GRAMD2B: variants seen among roughly 807,000 people sequenced by gnomAD.
GRAMD2B encodes GRAM domain containing 2B.
Under a neutral mutation model 59.2 loss-of-function variants are expected in GRAMD2B, and 41 were observed. That is an observed-to-expected ratio of 0.69 (90% confidence interval 0.54 to 0.90). The LOEUF is 0.90. GRAMD2B is among the 40% of genes least tolerant of loss of function. The pLI is 0.00. For missense variants in GRAMD2B, 424 were observed against 500.5 expected (o/e 0.85, Z 1.46); for synonymous variants, 161 against 182.7 (o/e 0.88, Z 0.96).
intron 1 of GRAMD2B, among the ~76,000 whole-genome samples, chr5:126,451,929 C>T (rs1015154768): frequency 4.6e-5 from 7 of 152,014 alleles, no homozygotes; most frequent in African/African-American, 1.7e-4. Context: ...CTCTTGCTCC[C>T]ACTCTCACCA....
At chr5:126,381,865 G>A (rs1755687906) in intron 1 of GRAMD2B, among the ~76,000 whole-genome samples, 1 of 152,014 alleles carries the variant, frequency 6.6e-6, no homozygotes, top group African/African-American at 2.4e-5. Context: ...AGCTCCTTTA[G>A]CTGCTCTTGT....
At chr5:126,393,191 T>C (rs1456290969) in intron 1 of GRAMD2B, among the ~76,000 whole-genome samples, 1 of 152,146 alleles carries the variant, frequency 6.6e-6, no homozygotes, top group Non-Finnish European at 1.5e-5. Context: ...ACTTTCCCCT[T>C]TTCCATCACG....
chr5:126,454,287 G>A (rs970330057), intron 1 of GRAMD2B, among the ~76,000 whole-genome samples: 2 of 152,172 alleles, frequency 1.3e-5, no homozygotes, highest in Non-Finnish European at 2.9e-5. Flanking sequence ...TGGAGGCCGT[G>A]TCTCAGGAGG....
In GRAMD2B at chr5:126,465,444, T is replaced by C. The variant is rs776965345; in HGVS notation, c.102T>C (p.Gly34=). 10 of 1,613,906 alleles carry C rather than the reference T, an allele frequency of 6.2e-6. No homozygotes were observed. The South Asian group carries it at 9.9e-5, about 16-fold the overall frequency. The change falls in exon 2 of 14, where the codon GGT becomes GGC. Residue 34 remains glycine (G), a synonymous_variant. Coordinates refer to ENST00000285689, the MANE Select transcript of GRAMD2B (RefSeq NM_023927.4). ...TCTTCAGCTCAGAGGCTGAGAATGG[T>C]GTGGAGGAGAAAAAGAAAGCCTGCA... ...LGSAHSEAEN[G]VEEKKKACRS...
At chr5:126,419,546 A>T (rs1391254340), upstream of GRAMD2B, among the ~76,000 whole-genome samples, 3 of 152,122 alleles carry the variant, frequency 2.0e-5, no homozygotes, top group Admixed American at 6.5e-5. Context: ...CTTGCAACCA[A>T]ATCTCCACTC....
At chr5:126,444,189 G>A (rs1054332879) in intron 1 of GRAMD2B, among the ~76,000 whole-genome samples, 3 of 152,188 alleles carry the variant, frequency 2.0e-5, no homozygotes, top group African/African-American at 7.2e-5. Context: ...AGGGGCCAGG[G>A]TGGTGGCAAG....
intron 13 of GRAMD2B, among the ~76,000 whole-genome samples, chr5:126,489,229 A>T (rs751994667): frequency 6.6e-6 from 1 of 152,202 alleles, no homozygotes; most frequent in Non-Finnish European, 1.5e-5. Context: ...AGTGAACTGG[A>T]GACCAACCAC....
At chr5:126,430,696 AG>A (rs1430870187) in intron 1 of GRAMD2B, among the ~76,000 whole-genome samples, 2 of 152,220 alleles carry the variant, frequency 1.3e-5, no homozygotes, top group Non-Finnish European at 1.5e-5. Flanking sequence ...CAAGAAAAAA[AG>A]AAAAAGAAAA....
Position 126,484,508 on chromosome 5 carries a change from G to A in GRAMD2B, c.954G>A (p.Lys318=). 1.9e-6 allele frequency: 3 copies of A among 1,614,002 alleles called. No individual in the cohort carries two copies. The highest frequency in any genetic ancestry group is 1.7e-6 in the Non-Finnish European group (2 of 1,179,974). The change falls in exon 10 of 14, where the codon AAG becomes AAA. Residue 318 remains lysine (K), a synonymous_variant. Transcript: ENST00000285689. ...HVNRVPEGKA[K]SLPVQGLSET... ...ACAGAGTACCTGAAGGAAAAGCCAAGAGTCTCCCTGTACAGGGTAAGGAAT... is the reference window on the plus strand; with the variant it reads ...ACAGAGTACCTGAAGGAAAAGCCAAAAGTCTCCCTGTACAGGGTAAGGAAT...
chr5:126,443,998 G>A (rs964295797), intron 1 of GRAMD2B, among the ~76,000 whole-genome samples: 2 of 151,876 alleles, frequency 1.3e-5, no homozygotes, highest in Non-Finnish European at 2.9e-5. Context: ...GTTGCAGTGA[G>A]CCAAGATCAC....
At chr5:126,402,778 T>A (rs899284168) in intron 1 of GRAMD2B, among the ~76,000 whole-genome samples, 1 of 152,098 alleles carries the variant, frequency 6.6e-6, no homozygotes, top group Non-Finnish European at 1.5e-5. Context: ...GGATATTATG[T>A]AATATACAGC....
intron 1 of GRAMD2B, among the ~76,000 whole-genome samples, chr5:126,452,231 T>C (rs1368749096): frequency 2.0e-5 from 3 of 152,198 alleles, no homozygotes; most frequent in African/African-American, 7.2e-5. Flanking sequence ...TGCTGTTTCA[T>C]GGATGGCTGT....
intron 1 of GRAMD2B, among the ~76,000 whole-genome samples, chr5:126,379,622 C>T (rs1707205556): frequency 6.6e-6 from 1 of 152,040 alleles, no homozygotes; most frequent in South Asian, 2.1e-4. Flanking sequence ...GGTGGTATCG[C>T]ATTGTGGTTT....
intron 1 of GRAMD2B, among the ~76,000 whole-genome samples, chr5:126,455,624 C>T (rs775632173): frequency 6.6e-4 from 101 of 152,188 alleles, no homozygotes; most frequent in Non-Finnish European, 9.1e-4. Context: ...GAGGTAGCAC[C>T]AATGGCTGTG....
intron 1 of GRAMD2B, among the ~76,000 whole-genome samples, chr5:126,363,327 G>A (rs148413935): frequency 4.6e-4 from 70 of 152,244 alleles, no homozygotes; most frequent in African/African-American, 1.4e-3. Flanking sequence ...AGAAGTGTTG[G>A]CAAGCATGTG....
chr5:126,475,214 A>G (rs1000434353), intron 5 of GRAMD2B, among the ~76,000 whole-genome samples: 4 of 152,208 alleles, frequency 2.6e-5, no homozygotes, highest in Non-Finnish European at 2.9e-5. Context: ...ATTAACATGC[A>G]TGTATCACAT....
chr5:126,445,414 T>C (rs1391381974), intron 1 of GRAMD2B: 3 of 152,188 alleles, frequency 2.0e-5, no homozygotes, highest in African/African-American at 7.2e-5. Context: ...GGTATCTCAT[T>C]GTGGTTTTGA....
chr5:126,443,443 G>A (rs1377597059), intron 1 of GRAMD2B, among the ~76,000 whole-genome samples: 1 of 152,138 alleles, frequency 6.6e-6, no homozygotes, highest in Non-Finnish European at 1.5e-5. Context: ...TTCAGTCTGT[G>A]TATTTCTCTG....
At chr5:126,480,822 G>A (rs1438623819) in intron 8 of GRAMD2B, 115 bp downstream of exon 8, 7 of 828,758 alleles carry the variant, frequency 8.4e-6, no homozygotes, top group Middle Eastern at 2.3e-4. Context: ...AAATATTTGA[G>A]GTACAGTTGA....
Sources: gnomAD v4.1 joint callset for allele counts (sites outside exome capture counted in the v4.1 genomes callset) on GRCh38, gnomAD v4.1.1 for gene constraint, MANE v1.5 for transcripts, NCBI Gene and HGNC (gene_info 2026-07-23, HGNC 2026-07-21) for gene names.